Variants in ZC3H12B observed in about 807,000 individuals in gnomAD.
The protein encoded by ZC3H12B is probable ribonuclease ZC3H12B.
Under a neutral mutation model 43.9 loss-of-function variants are expected in ZC3H12B, and 7 were observed. The observed-to-expected ratio is 0.16, with a 90% CI of 0.09 to 0.30. The LOEUF (loss-of-function observed/expected upper bound fraction) is 0.30. Ranked by LOEUF, ZC3H12B falls within the 10% of genes least tolerant of loss-of-function variation. The pLI, the probability that ZC3H12B is intolerant of heterozygous loss-of-function variation, is 1.00. For synonymous variants in ZC3H12B, 222 were observed against 241.7 expected, an observed-to-expected ratio of 0.92 and a Z score of 0.76; for missense variants, 475 against 670.2, an observed-to-expected ratio of 0.71 and a Z score of 3.22.
At chrX:65,121,643 A>G in the ZC3H12B span, among the ~76,000 whole-genome samples, 634 of 106,912 alleles carry the variant, frequency 5.9e-3, 2 homozygotes, top group Non-Finnish European at 9.7e-3. Context: ...TTGTGTCTCT[A>G]TTTCCTTCAT....
chrX:65,493,624 A>G (rs978339992), intron 1 of ZC3H12B, among the ~76,000 whole-genome samples: 4 of 111,323 alleles, frequency 3.6e-5, no homozygotes, highest in Admixed American at 9.6e-5. Context: ...AAACATTTGA[A>G]CCCCAGAGAA....
At chrX:65,177,982 TG>T in the ZC3H12B span, among the ~76,000 whole-genome samples, 1 of 111,925 alleles carries the variant, frequency 8.9e-6, no homozygotes, top group African/African-American at 3.2e-5. Flanking sequence ...AGAACAAAGC[TG>T]GGGACATCAT....
chrX:65,247,855 T>A, the ZC3H12B span, among the ~76,000 whole-genome samples: 2 of 112,190 alleles, frequency 1.8e-5, no homozygotes, highest in Non-Finnish European at 3.8e-5. Context: ...GTAACAGATC[T>A]GTACTTGTAG....
At chrX:65,382,844 C>T (rs1164716956) in intron 2 of ZC3H12B, among the ~76,000 whole-genome samples, 2 of 111,112 alleles carry the variant, frequency 1.8e-5, no homozygotes, top group Non-Finnish European at 3.8e-5. Flanking sequence ...GAGTGAACTC[C>T]CATTCACAAT....
At chrX:65,240,554 T>C in the ZC3H12B span, among the ~76,000 whole-genome samples, 1 of 111,971 alleles carries the variant, frequency 8.9e-6, no homozygotes, top group Non-Finnish European at 1.9e-5. Context: ...ACCTTCTGAA[T>C]CCTACTTCTG....
At chrX:65,399,898 G>A (rs2066743699) in intron 3 of ZC3H12B, among the ~76,000 whole-genome samples, 1 of 111,075 alleles carries the variant, frequency 9.0e-6, no homozygotes, top group Admixed American at 9.7e-5. Context: ...TGGAACTGGG[G>A]GTCATTATGT....
chrX:65,161,027 T>A, the ZC3H12B span, among the ~76,000 whole-genome samples: 1 of 111,273 alleles, frequency 9.0e-6, no homozygotes, highest in African/African-American at 3.3e-5. Context: ...TACCCAGTAG[T>A]CATTCAGGAG....
At chrX:65,169,317 G>T in the ZC3H12B span, among the ~76,000 whole-genome samples, 3 of 112,077 alleles carry the variant, frequency 2.7e-5, no homozygotes, top group African/African-American at 9.7e-5. Flanking sequence ...GGAGCAGGTT[G>T]TTCAGTTTCC....
intron 2 of ZC3H12B, among the ~76,000 whole-genome samples, chrX:65,386,626 T>C (rs1422567597): frequency 9.0e-6 from 1 of 111,662 alleles, no homozygotes; most frequent in Admixed American, 9.6e-5. Context: ...TTTGAAGGGT[T>C]TTTTGTGTCT....
chrX:65,358,583 A>G, the ZC3H12B span, among the ~76,000 whole-genome samples: 1 of 111,676 alleles, frequency 9.0e-6, no homozygotes, highest in African/African-American at 3.3e-5. Context: ...CTGAATGACA[A>G]CTGGGTAAAT....
the ZC3H12B span, among the ~76,000 whole-genome samples, chrX:65,255,156 T>A: frequency 9.8e-5 from 11 of 111,889 alleles, no homozygotes; most frequent in Non-Finnish European, 1.9e-4. Flanking sequence ...TATCATCTAA[T>A]AAAATTTTCC....
chrX:65,312,637 T>G, the ZC3H12B span, among the ~76,000 whole-genome samples: 1 of 111,466 alleles, frequency 9.0e-6, no homozygotes, highest in African/African-American at 3.3e-5. Flanking sequence ...GAACAAAAAT[T>G]TATGTCACAG....
the ZC3H12B span, among the ~76,000 whole-genome samples, chrX:65,108,815 G>A: frequency 1.5e-4 from 17 of 111,295 alleles, no homozygotes; most frequent in Non-Finnish European, 3.0e-4. Context: ...GTTTACACCA[G>A]CATCACCATG....
chrX:65,258,634 C>T, the ZC3H12B span, among the ~76,000 whole-genome samples: 1 of 111,379 alleles, frequency 9.0e-6, no homozygotes. Context: ...ACTATTTCTG[C>T]TTGCAGACTA....
upstream of ZC3H12B, among the ~76,000 whole-genome samples, chrX:65,487,197 C>A: frequency 8.9e-6 from 1 of 112,740 alleles, no homozygotes; most frequent in East Asian, 2.8e-4. Context: ...AGTAAGCATG[C>A]AGTTATGCAT....
At chrX:65,143,424 C>A in the ZC3H12B span, among the ~76,000 whole-genome samples, 1 of 110,688 alleles carries the variant, frequency 9.0e-6, no homozygotes, top group South Asian at 3.9e-4. Context: ...TTTTGTCAAA[C>A]CCTTTTTCTG....
chrX:65,390,259 G>T (rs1418680388), intron 2 of ZC3H12B, among the ~76,000 whole-genome samples: 3 of 110,632 alleles, frequency 2.7e-5, no homozygotes, highest in Non-Finnish European at 5.7e-5. Flanking sequence ...GCTGTCATAG[G>T]GTAGGGGGAG....
intron 3 of ZC3H12B, among the ~76,000 whole-genome samples, chrX:65,474,611 T>C (rs2067968245): frequency 9.0e-6 from 1 of 111,337 alleles, no homozygotes; most frequent in South Asian, 3.7e-4. Context: ...CTTTCTTCCA[T>C]ATATTTTTTT....
the ZC3H12B span, among the ~76,000 whole-genome samples, chrX:65,148,607 C>T: frequency 4.5e-5 from 5 of 110,521 alleles, no homozygotes; most frequent in Non-Finnish European, 9.4e-5. Flanking sequence ...CTGGGGTCCA[C>T]GGCGAAGTCT....
Sources: gnomAD v4.1 joint callset for allele counts (sites outside exome capture counted in the v4.1 genomes callset) on GRCh38, gnomAD v4.1.1 for gene constraint, MANE v1.5 for transcripts, NCBI Gene and HGNC (gene_info 2026-07-23, HGNC 2026-07-21) for gene names.